CERS6: variants seen among roughly 807,000 people sequenced by gnomAD.
CERS6 encodes the protein LAG1 homolog, ceramide synthase 6.
A neutral mutation model predicts 56.8 loss-of-function variants in CERS6; 26 were observed. The observed-to-expected ratio is 0.46, with a 90% confidence interval of 0.34 to 0.63. CERS6 has a LOEUF of 0.63. Among genes scored for constraint, CERS6 ranks in the 30% least tolerant of loss-of-function variants. The pLI is 0.01. For synonymous variants in CERS6, 164 were observed against 173.3 expected, an observed-to-expected ratio of 0.95 and a Z score of 0.42; for missense variants, 415 against 467.5, an observed-to-expected ratio of 0.89 and a Z score of 1.04.
At chr2:168,691,153 C>T in intron 5 of CERS6, 69 bp downstream of exon 5, 1 of 1,449,280 alleles carries the variant, frequency 6.9e-7, no homozygotes, top group Non-Finnish European at 9.7e-7. Flanking sequence ...TTCATGGTCT[C>T]AGGCAGGCCC....
At chr2:168,538,304 C>T (rs191607681) in intron 1 of CERS6, among the ~76,000 whole-genome samples, 6 of 151,698 alleles carry the variant, frequency 4.0e-5, no homozygotes, top group Admixed American at 3.3e-4. Context: ...CTGCCTGCTG[C>T]TCTCTGACCC....
intron 6 of CERS6, among the ~76,000 whole-genome samples, chr2:168,701,828 A>G (rs1185221622): frequency 6.6e-6 from 1 of 152,186 alleles, no homozygotes; most frequent in Non-Finnish European, 1.5e-5. Flanking sequence ...CAACATAGCA[A>G]GACCCTGTTG....
chr2:168,674,959 CTTATTTAT>C (rs59783108), intron 4 of CERS6, among the ~76,000 whole-genome samples: 124,040 of 148,406 alleles, frequency 0.84, 52,378 homozygotes, highest in Non-Finnish European at 0.89. Flanking sequence ...TTTACATTAC[CTTATTTAT>C]TTATTTATTT....
At position 168,645,089 on chromosome 2, in the gene CERS6, T is replaced by TAAAAAAAAAAA; in HGVS notation, c.465+14047_465+14048insAAAAAAAAAAA. Among the ~76,000 whole-genome samples the TAAAAAAAAAAA allele has an allele frequency of 1.9e-4, 2 of 10,318 alleles. 1 individual carries two copies. Among genetic ancestry groups the TAAAAAAAAAAA allele is most frequent in the South Asian group, 0.011 (2 of 188 alleles). 6.8% of individuals were successfully genotyped at this position (10,318 alleles called of 152,430 possible). A position where few individuals can be genotyped will look rare whatever the true frequency, so the allele number is the denominator to read the frequency against. On this transcript the variant is annotated intron_variant, in intron 4 of 9. Coordinates refer to ENST00000305747, the MANE Select transcript of CERS6 (RefSeq NM_203463.3). ...CTGGGTGACAGAGCGAGACTGCATC[T>TAAAAAAAAAAA]TAAAAAAAAAAAAAAAAAAAAAAAA...
At chr2:168,513,891 C>T (rs1038037774) in intron 1 of CERS6, among the ~76,000 whole-genome samples, 3 of 152,118 alleles carry the variant, frequency 2.0e-5, no homozygotes, top group African/African-American at 7.2e-5. Flanking sequence ...AAAGGTCATT[C>T]TTCCAAATCT....
At chr2:168,523,325 T>C (rs1222561312) in intron 1 of CERS6, among the ~76,000 whole-genome samples, 1 of 152,160 alleles carries the variant, frequency 6.6e-6, no homozygotes, top group Non-Finnish European at 1.5e-5. Context: ...AGAAGATTTT[T>C]TTCAGTCCTT....
intron 1 of CERS6, among the ~76,000 whole-genome samples, chr2:168,502,105 G>A (rs923136019): frequency 1.2e-4 from 19 of 152,174 alleles, no homozygotes; most frequent in African/African-American, 4.1e-4. Context: ...TGCGAAGTTT[G>A]TATACCTGAG....
chr2:168,524,330 A>T (rs372847195), intron 1 of CERS6, among the ~76,000 whole-genome samples: 1 of 152,224 alleles, frequency 6.6e-6, no homozygotes, highest in Non-Finnish European at 1.5e-5. Context: ...GTTATTTTCC[A>T]TACAATTAGA....
At chr2:168,498,725 G>A (rs1212448261) in intron 1 of CERS6, among the ~76,000 whole-genome samples, 1 of 152,238 alleles carries the variant, frequency 6.6e-6, no homozygotes, top group Non-Finnish European at 1.5e-5. Context: ...GTGGCTGGTG[G>A]TCTCTTACCA....
rs142509046 is a variant in CERS6 at position 168,768,241 on chromosome 2, T to G, written c.1003-1269T>G. ...TTTTTTTTGTTTTGTTTTGTTTTGTTTTTTTTTTTAAGACAGTTTCACTCA... is the reference window on the plus strand; with the variant it reads ...TTTTTTTTGTTTTGTTTTGTTTTGTGTTTTTTTTTAAGACAGTTTCACTCA... On this transcript the variant is annotated intron_variant, in intron 9 of 9. Coordinates refer to ENST00000305747, the MANE Select transcript of CERS6 (RefSeq NM_203463.3). Among the ~76,000 whole-genome samples the G allele has an allele frequency of 2.9e-3, 431 of 150,500 alleles. 1 individual carries two copies. The highest frequency in any genetic ancestry group is 9.3e-3 in the African/African-American group (383 of 41,144).
chr2:168,566,728 G>T (rs1424634362), intron 3 of CERS6, among the ~76,000 whole-genome samples: 1 of 150,618 alleles, frequency 6.6e-6, no homozygotes, highest in Non-Finnish European at 1.5e-5. Context: ...CTTTATTTCA[G>T]ATCAGTCTTT....
rs1683489091 is a variant in CERS6 at position 168,584,308 on chromosome 2, CT to C, written c.407+22987del. Among the ~76,000 whole-genome samples the C allele has an allele frequency of 1.3e-5, 2 of 152,164 alleles. 1 individual carries two copies. Among genetic ancestry groups the C allele is most frequent in the South Asian group, 4.1e-4 (2 of 4,830 alleles). On this transcript the variant is annotated intron_variant, in intron 3 of 9. Transcript: ENST00000305747. ...AGGTTTCTCAATTCCCATGTTTTTG[CT>C]GTTTGCGTGATACCCCTCTGTGGAA... is the stretch of plus-strand genomic sequence containing the variant.
At chr2:168,645,120 T>A (rs1479199392) in intron 4 of CERS6, among the ~76,000 whole-genome samples, 279 of 18,526 alleles carry the variant, frequency 0.015, 30 homozygotes, top group Non-Finnish European at 0.02. Flanking sequence ...AAAAAAAATA[T>A]ATATATATAT....
chr2:168,754,680 G>C (rs1574222689), intron 8 of CERS6, among the ~76,000 whole-genome samples: 1 of 152,212 alleles, frequency 6.6e-6, no homozygotes, highest in South Asian at 2.1e-4. Flanking sequence ...CATTCTTCCT[G>C]TCTTGCCAGC....
Position 168,652,391 on chromosome 2 carries a change from C to T in CERS6, c.465+21349C>T, listed in dbSNP as rs79556126. ...TAATTTCAAGAGCTAAATGTTAGTT[C>T]AGTTACTAATTTATTGCTTGATCTT... On this transcript the variant is annotated intron_variant, in intron 4 of 9. Transcript: ENST00000305747. 9.8e-3 allele frequency among the ~76,000 whole-genome samples: 1,494 copies of T among 152,178 alleles called. 28 individuals carry two copies. Among genetic ancestry groups the T allele is most frequent in the African/African-American group, 0.034 (1,393 of 41,520 alleles).
At chr2:168,577,882 A>G (rs971541753) in intron 3 of CERS6, among the ~76,000 whole-genome samples, 1 of 152,186 alleles carries the variant, frequency 6.6e-6, no homozygotes, top group Non-Finnish European at 1.5e-5. Flanking sequence ...TGTTTGGCCT[A>G]TCTGCATGTG....
At position 168,456,676 on chromosome 2, in the gene CERS6, A is replaced by C; in HGVS notation, c.170+58A>C. 2 of 1,514,772 alleles carry C rather than the reference A, an allele frequency of 1.3e-6. No homozygotes were observed. Among genetic ancestry groups the C allele is most frequent in the East Asian group, 2.4e-5 (1 of 41,638 alleles). The allele number at this position is 1,514,772 out of a possible 1,614,324, so 93.8% of individuals were successfully genotyped here. A position where few individuals can be genotyped will look rare whatever the true frequency, so the allele number is the denominator to read the frequency against. On this transcript the variant is annotated intron_variant, in intron 1 of 9. Transcript: ENST00000305747. This position sits in a 1 kb window ranked among gnomAD's most constrained non-coding sequence, Gnocchi z 4.1. ...CCTGCGCACACACACGCGCGCACACACTCGCGCGCTCTCTGGCGCACGCCC... is the reference window on the plus strand; with the variant it reads ...CCTGCGCACACACACGCGCGCACACCCTCGCGCGCTCTCTGGCGCACGCCC...
In CERS6 at chr2:168,678,175, A is replaced by G. The variant is rs111354962; in HGVS notation, c.466-12859A>G. On this transcript the variant is annotated intron_variant, in intron 4 of 9. Coordinates refer to ENST00000305747, the MANE Select transcript of CERS6 (RefSeq NM_203463.3). ...TTTTACCATCAGTACAAATATCAAC[A>G]CAGTGACAAAGGCAAACGTCTTACT... Among the ~76,000 whole-genome samples, 1,280 of 152,350 alleles carry G rather than the reference A, an allele frequency of 8.4e-3. 18 individuals are homozygous for G. Among genetic ancestry groups the G allele is most frequent in the African/African-American group, 0.028 (1,169 of 41,570 alleles).
intron 9 of CERS6, chr2:168,766,473 T>C: frequency 1.2e-6 from 1 of 830,770 alleles, no homozygotes; most frequent in Non-Finnish European, 2.0e-6. Flanking sequence ...AGAGGCTTCA[T>C]GTGAGCTGTA....
Sources: gnomAD v4.1 joint callset for allele counts (sites outside exome capture counted in the v4.1 genomes callset) on GRCh38, gnomAD v4.1.1 for gene constraint, Gnocchi (gnomAD v3.1) non-coding constraint, MANE v1.5 for transcripts, NCBI Gene and HGNC (gene_info 2026-07-23, HGNC 2026-07-21) for gene names.